MYLK: variants seen among roughly 807,000 people sequenced by gnomAD.
MYLK encodes myosin light chain kinase, smooth muscle.
MYLK carries 106 observed loss-of-function variants against 203.4 expected under a neutral mutation model. The ratio of observed to expected loss-of-function variants is 0.52; its 90% CI spans 0.45 to 0.61. The LOEUF is 0.61. Ranked by LOEUF, MYLK falls within the 20% of genes least tolerant of loss-of-function variation. The probability of loss-of-function intolerance (pLI) is 0.00; values close to 1 mark genes in which losing one functional copy is unlikely to be tolerated. For synonymous variants in MYLK, 867 were observed against 959.5 expected, an observed-to-expected ratio of 0.90 and a Z score of 1.78; for missense variants, 2,072 against 2,442.3, an observed-to-expected ratio of 0.85 and a Z score of 3.20.
intron 19 of MYLK, among the ~76,000 whole-genome samples, chr3:123,682,601 T>C (rs2060308636): frequency 2.0e-5 from 3 of 152,216 alleles, no homozygotes; most frequent in Admixed American, 2.0e-4. Flanking sequence ...TCCCCCGGAA[T>C]GCCATTGCTG....
intron 2 of MYLK, among the ~76,000 whole-genome samples, chr3:123,860,999 G>A (rs1345420878): frequency 2.6e-5 from 4 of 151,966 alleles, no homozygotes; most frequent in East Asian, 1.9e-4. Flanking sequence ...GCATGGTGGC[G>A]GGCGCCTGTG....
chr3:123,709,046 G>A, intron 14 of MYLK, 151 bp from the exon 15 acceptor site: 1 of 649,258 alleles, frequency 1.5e-6, no homozygotes, highest in Non-Finnish European at 2.7e-6. Flanking sequence ...ATTCAAACAG[G>A]ATCTACCTCA....
chr3:123,655,806 T>A (rs2059373655), intron 24 of MYLK, among the ~76,000 whole-genome samples: 1 of 152,234 alleles, frequency 6.6e-6, no homozygotes, highest in African/African-American at 2.4e-5. Context: ...ATCTGCTTCA[T>A]TGGGCTATTG....
chr3:123,737,663 C>CAATGGCCCTGTCAA (rs1202905463), intron 7 of MYLK, 120 bp from the exon 8 acceptor site: 11 of 1,313,778 alleles, frequency 8.4e-6, no homozygotes, highest in Non-Finnish European at 1.1e-6. Context: ...GCGTCCTCTG[C>CAATGGCCCTGTCAA]TGTGGGCCCT....
At chr3:123,686,976 C>G (rs1448041257) in intron 19 of MYLK, among the ~76,000 whole-genome samples, 1 of 152,186 alleles carries the variant, frequency 6.6e-6, no homozygotes, top group Non-Finnish European at 1.5e-5. Context: ...AATCCCAGCA[C>G]TTTGGGAGGC....
At chr3:123,680,529 T>C (rs149919886) in intron 20 of MYLK, among the ~76,000 whole-genome samples, 92 of 152,294 alleles carry the variant, frequency 6.0e-4, no homozygotes, top group Middle Eastern at 3.4e-3. Flanking sequence ...TTTCTTGGTA[T>C]TATGTATGCA....
intron 2 of MYLK, among the ~76,000 whole-genome samples, chr3:123,831,987 G>A (rs1251090549): frequency 6.6e-6 from 1 of 152,204 alleles, no homozygotes; most frequent in African/African-American, 2.4e-5. Context: ...AGGGAGGAAG[G>A]CCATGGGAGC....
chr3:123,683,816 G>C (rs192246528), intron 19 of MYLK, among the ~76,000 whole-genome samples: 2 of 152,120 alleles, frequency 1.3e-5, no homozygotes, highest in African/African-American at 2.4e-5. Flanking sequence ...CGGGGTGTTG[G>C]GGGGAGCAGA....
At chr3:123,823,049 G>T (rs552452604) in intron 3 of MYLK, among the ~76,000 whole-genome samples, 7 of 152,310 alleles carry the variant, frequency 4.6e-5, no homozygotes, top group African/African-American at 1.4e-4. Flanking sequence ...ATCATTCCTT[G>T]TGTGATAATG....
At chr3:123,685,035 A>G (rs1052603036) in intron 19 of MYLK, among the ~76,000 whole-genome samples, 6 of 152,188 alleles carry the variant, frequency 3.9e-5, no homozygotes, top group African/African-American at 7.2e-5. Context: ...CTCCTGAAAG[A>G]AGGGCAGCAG....
At chr3:123,874,132 A>G (rs908620209) in intron 2 of MYLK, among the ~76,000 whole-genome samples, 1 of 152,276 alleles carries the variant, frequency 6.6e-6, no homozygotes. Context: ...ATTTATGCAG[A>G]TGCCAACAAG....
At chr3:123,685,384 G>A (rs2060414325) in intron 19 of MYLK, among the ~76,000 whole-genome samples, 1 of 152,148 alleles carries the variant, frequency 6.6e-6, no homozygotes, top group Non-Finnish European at 1.5e-5. Context: ...CTTGGACCCA[G>A]AAGTTCAAGA....
At position 123,825,269 on chromosome 3, in the gene MYLK, G is replaced by A. The variant is rs548025361; in HGVS notation, c.-4+6279C>T. Among the ~76,000 whole-genome samples the A allele has an allele frequency of 2.0e-5, 3 of 152,288 alleles. No individual in the cohort carries two copies. The South Asian group carries it at 6.2e-4, about 32-fold the overall frequency. On this transcript the variant is annotated intron_variant, in intron 3 of 33. Transcript: ENST00000360304. ...CCTTTTGAAACATCTATTAAGAAAT[G>A]TTGGTAGGGAGAGTGTTAGAAAGTA...
chr3:123,666,432 G>A, intron 21 of MYLK, 86 bp from the exon 22 acceptor site: 1 of 1,586,564 alleles, frequency 6.3e-7, no homozygotes, highest in South Asian at 1.1e-5. Context: ...ACAGTGGTCT[G>A]TTGGCTTCTC....
Position 123,657,293 on chromosome 3 carries a change from G to T in MYLK, c.4121C>A (p.Ala1374Asp). Reference sequence around the variant, plus strand: ...GGCTAGTTCCTTCCACGTCTTGTTGGCTGAGTCCCAGATCTCGATGCTGTA... The same window carrying T: ...GGCTAGTTCCTTCCACGTCTTGTTGTCTGAGTCCCAGATCTCGATGCTGTA... ...QSYSIEIWDS[A>D]NKTWKELATC... The change falls in exon 24 of 34, where the codon GCC becomes GAC. Residue 1374 changes from alanine (A) to aspartate (D), a missense_variant. Transcript: ENST00000360304. The T allele has an allele frequency of 6.2e-7, 1 of 1,614,112 alleles. No homozygotes were observed. The highest frequency in any genetic ancestry group is 8.5e-7 in the Non-Finnish European group (1 of 1,180,022).
chr3:123,843,207 C>T (rs934686749), intron 2 of MYLK, among the ~76,000 whole-genome samples: 3 of 152,038 alleles, frequency 2.0e-5, no homozygotes, highest in Non-Finnish European at 2.9e-5. Flanking sequence ...GCAAAGATGC[C>T]GAAGACCAGA....
At chr3:123,829,858 C>A (rs752485604) in intron 3 of MYLK, among the ~76,000 whole-genome samples, 2 of 152,214 alleles carry the variant, frequency 1.3e-5, no homozygotes, top group Non-Finnish European at 2.9e-5. Flanking sequence ...TTCTAGACTG[C>A]CTTTGCACTG....
chr3:123,716,956 A>T lies in MYLK; in HGVS notation c.1804+5172T>A, dbSNP rs2061917922. 2.0e-5 allele frequency among the ~76,000 whole-genome samples: 3 copies of T among 152,330 alleles called. No individual in the cohort carries two copies. The South Asian group carries it at 6.2e-4, about 32-fold the overall frequency. ...CTGTACTCAACCTACATAAAATGAA[A>T]ATATTGGTTATAAATTTTAACATGT... On this transcript the variant is annotated intron_variant, in intron 13 of 33. Transcript: ENST00000360304.
chr3:123,662,366 T>C (rs1461202605), intron 23 of MYLK, among the ~76,000 whole-genome samples: 4 of 152,038 alleles, frequency 2.6e-5, no homozygotes, highest in Non-Finnish European at 4.4e-5. Context: ...TCCATCCTAG[T>C]CCTAAGGTGA....
Sources: gnomAD v4.1 joint callset for allele counts (sites outside exome capture counted in the v4.1 genomes callset) on GRCh38, gnomAD v4.1.1 for gene constraint, MANE v1.5 for transcripts, NCBI Gene and HGNC (gene_info 2026-07-23, HGNC 2026-07-21) for gene names.